Variants in ERBB4 observed in about 807,000 individuals in gnomAD.
ERBB4 encodes receptor tyrosine-protein kinase erbB-4.
In ERBB4, 42 loss-of-function variants were observed where a neutral mutation model predicts 158.0. The observed-to-expected ratio is 0.27, with a 90% CI of 0.21 to 0.34. The LOEUF (loss-of-function observed/expected upper bound fraction) is 0.34. ERBB4 is among the 10% of genes least tolerant of loss of function. The pLI, the probability that ERBB4 is intolerant of heterozygous loss-of-function variation, is 1.00. For missense variants in ERBB4, 1,333 were observed against 1,624.1 expected, an observed-to-expected ratio of 0.82 and a Z score of 3.08; for synonymous variants, 583 against 558.7, an observed-to-expected ratio of 1.04 and a Z score of -0.61.
intron 20 of ERBB4, among the ~76,000 whole-genome samples, chr2:211,461,523 A>G (rs934120802): frequency 1.2e-4 from 18 of 152,260 alleles, no homozygotes; most frequent in African/African-American, 4.1e-4. Flanking sequence ...TTTGCATACT[A>G]TCTCATCTTC....
intron 2 of ERBB4, among the ~76,000 whole-genome samples, chr2:212,043,506 A>G (rs1010854408): frequency 1.3e-5 from 2 of 152,176 alleles, no homozygotes; most frequent in African/African-American, 4.8e-5. Context: ...TCAAAATGCA[A>G]TCAAGATTAA....
At chr2:211,493,148 G>C (rs1409959758) in intron 20 of ERBB4, among the ~76,000 whole-genome samples, 5 of 152,050 alleles carry the variant, frequency 3.3e-5, no homozygotes, top group Non-Finnish European at 7.4e-5. Flanking sequence ...TTCCATTGTA[G>C]TTGCTTCGAA....
chr2:212,225,503 T>G (rs2083442144), intron 1 of ERBB4, among the ~76,000 whole-genome samples: 1 of 116,016 alleles, frequency 8.6e-6, no homozygotes, highest in Admixed American at 9.1e-5. Flanking sequence ...TTTGAATCAT[T>G]TTATTGTCAC....
intron 1 of ERBB4, among the ~76,000 whole-genome samples, chr2:212,402,703 T>C (rs1322843123): frequency 2.0e-5 from 3 of 152,126 alleles, no homozygotes; most frequent in Non-Finnish European, 4.4e-5. Flanking sequence ...TTTGCATAAG[T>C]GGTATTAAAA....
chr2:211,653,493 G>A (rs1037468051), intron 16 of ERBB4, among the ~76,000 whole-genome samples: 5 of 40,660 alleles, frequency 1.2e-4, no homozygotes, highest in Non-Finnish European at 2.9e-4. Flanking sequence ...CCCCACGCCC[G>A]CCCCGCTGGT....
At chr2:211,615,769 A>T (rs943394874) in intron 19 of ERBB4, among the ~76,000 whole-genome samples, 4 of 152,116 alleles carry the variant, frequency 2.6e-5, no homozygotes, top group African/African-American at 9.7e-5. Context: ...AAGTTGCCAC[A>T]TTTGTGTTAT....
chr2:211,805,259 C>A (rs751577054), intron 3 of ERBB4, among the ~76,000 whole-genome samples: 1 of 151,288 alleles, frequency 6.6e-6, no homozygotes, highest in Non-Finnish European at 1.5e-5. Flanking sequence ...CTCCTCCATG[C>A]CATAGGCTGG....
chr2:211,920,711 CTT>C lies in ERBB4; in HGVS notation c.421+26717_421+26718del, dbSNP rs59291331. Among the ~76,000 whole-genome samples, 1,061 of 141,714 alleles carry C rather than the reference CTT, an allele frequency of 7.5e-3. 33 individuals are homozygous for C. The highest frequency in any genetic ancestry group is 0.054 in the Admixed American group (771 of 14,294). The allele number at this position is 141,714 out of a possible 152,430, so 93.0% of individuals were successfully genotyped here. ...GTTGATATTTCTTGGAGAGCTGTGA[CTT>C]TTTTTTTTTTTTTTACAGTGTTCTG... On this transcript the variant is annotated intron_variant, in intron 3 of 27. Transcript: ENST00000342788.
intron 19 of ERBB4, among the ~76,000 whole-genome samples, chr2:211,604,235 T>G (rs1167196227): frequency 6.6e-6 from 1 of 152,218 alleles, no homozygotes; most frequent in African/African-American, 2.4e-5. Flanking sequence ...GATTTGAGAC[T>G]CAGCTTATAT....
At chr2:211,996,736 G>T (rs2082208859) in intron 2 of ERBB4, among the ~76,000 whole-genome samples, 1 of 152,148 alleles carries the variant, frequency 6.6e-6, no homozygotes. Flanking sequence ...CATATCCAAA[G>T]AATTCTTCAC....
chr2:211,438,069 C>T (rs753868862), intron 20 of ERBB4, among the ~76,000 whole-genome samples: 2 of 152,096 alleles, frequency 1.3e-5, no homozygotes, highest in South Asian at 4.1e-4. Context: ...TGGTTCATGG[C>T]AGAATAGAAA....
chr2:212,459,743 A>T (rs1688478446), intron 1 of ERBB4, among the ~76,000 whole-genome samples: 2 of 152,292 alleles, frequency 1.3e-5, no homozygotes, highest in East Asian at 3.9e-4. Flanking sequence ...AAAAACAGAC[A>T]CGTAACCCAA....
chr2:211,543,002 T>A (rs2066852981), intron 20 of ERBB4, among the ~76,000 whole-genome samples: 1 of 151,968 alleles, frequency 6.6e-6, no homozygotes, highest in Non-Finnish European at 1.5e-5. Context: ...AATAAGGCGA[T>A]CCATATTTTT....
intron 1 of ERBB4, among the ~76,000 whole-genome samples, chr2:212,228,154 G>A (rs1316339983): frequency 6.6e-6 from 1 of 152,076 alleles, no homozygotes; most frequent in African/African-American, 2.4e-5. Context: ...TATAAAGCTA[G>A]AAAGCACCAT....
intron 1 of ERBB4, among the ~76,000 whole-genome samples, chr2:212,512,654 A>G (rs1240013894): frequency 6.6e-6 from 1 of 152,096 alleles, no homozygotes; most frequent in African/African-American, 2.4e-5. Flanking sequence ...ATATTTTCCT[A>G]TTTCATTCTG....
chr2:211,592,255 T>A (rs533062550), intron 19 of ERBB4, among the ~76,000 whole-genome samples: 26 of 152,258 alleles, frequency 1.7e-4, no homozygotes, highest in African/African-American at 5.5e-4. Context: ...CACAGTATCT[T>A]ATCAGTTAAT....
intron 1 of ERBB4, among the ~76,000 whole-genome samples, chr2:212,309,437 T>C (rs957127854): frequency 1.3e-5 from 2 of 150,874 alleles, no homozygotes; most frequent in African/African-American, 4.8e-5. Context: ...TTAGTTTTAG[T>C]CCTTTTTCAT....
intron 1 of ERBB4, among the ~76,000 whole-genome samples, chr2:212,353,434 A>C (rs2089338757): frequency 6.7e-6 from 1 of 149,212 alleles, no homozygotes; most frequent in South Asian, 2.1e-4. Flanking sequence ...TATAAATAAA[A>C]GTATACAATA....
At chr2:211,550,146 A>T (rs893786409) in intron 20 of ERBB4, among the ~76,000 whole-genome samples, 1 of 152,052 alleles carries the variant, frequency 6.6e-6, no homozygotes, top group African/African-American at 2.4e-5. Flanking sequence ...ACCTCACCCT[A>T]GTCCCCATTT....
Sources: allele counts gnomAD v4.1 joint callset (sites outside exome capture counted in the v4.1 genomes callset), GRCh38; gene constraint gnomAD v4.1.1; transcripts MANE v1.5; gene names NCBI Gene and HGNC (gene_info 2026-07-23, HGNC 2026-07-21).